GSTO2: variants seen among roughly 807,000 people sequenced by gnomAD.
GSTO2 encodes the protein glutathione S-transferase omega 2, also known as glutathione S-transferase omega-2.
In GSTO2, 23 loss-of-function variants were observed where a neutral mutation model predicts 28.4. The ratio of observed to expected loss-of-function variants is 0.81; its 90% CI spans 0.58 to 1.15. GSTO2 has a LOEUF of 1.15. Among genes scored for constraint, GSTO2 ranks in the 50% most tolerant of loss-of-function variants. GSTO2 has a pLI of 0.00. For missense variants in GSTO2, 298 were observed against 297.8 expected (o/e 1.00, Z 0.00); for synonymous variants, 109 against 111.0 (o/e 0.98, Z 0.11).
chr10:104,275,365 A>G (rs1263822226), intron 3 of GSTO2, 31 bp downstream of exon 3: 1 of 1,606,394 alleles, frequency 6.2e-7, no homozygotes, highest in Non-Finnish European at 8.5e-7. Context: ...GCCCCCGAGC[A>G]AACCCAGCGC....
chr10:104,271,440 GC>G (rs1478023573), intron 1 of GSTO2, among the ~76,000 whole-genome samples: 19 of 152,324 alleles, frequency 1.2e-4, no homozygotes, highest in African/African-American at 3.6e-4. Context: ...TACTGACGAT[GC>G]CCTGGACTAT....
chr10:104,290,052 A>C lies in GSTO2; in HGVS notation c.469-7526A>C, dbSNP rs1447932483. Among the ~76,000 whole-genome samples the C allele has an allele frequency of 2.6e-5, 4 of 152,210 alleles. No homozygotes were observed. In the East Asian group the frequency reaches 7.7e-4, roughly 29 times the overall value. ...TCCTCAAAACACTAAAAATTGAGCTACCATATGATCCAGCAATCCCACTGC... is the reference window on the plus strand; with the variant it reads ...TCCTCAAAACACTAAAAATTGAGCTCCCATATGATCCAGCAATCCCACTGC... On this transcript the variant is annotated intron_variant, in intron 5 of 6. Transcript: ENST00000338595.
At chr10:104,278,306 G>A (rs948316175) in intron 4 of GSTO2, among the ~76,000 whole-genome samples, 190 bp downstream of exon 4, 5 of 152,174 alleles carry the variant, frequency 3.3e-5, no homozygotes, top group South Asian at 2.1e-4. Flanking sequence ...ACTGCTAGGC[G>A]CTTCTCCATT....
Position 104,300,995 on chromosome 10 carries a change from C to G in GSTO2, c.*1711C>G, listed in dbSNP as rs1003910428. ...TGGCCAGAACTTCCAGAAGAGGCAG[C>G]GCATGACAGGGGCAGTCTGCCGCAC... On this transcript the variant is annotated 3_prime_UTR_variant, in exon 7 of 7. Transcript: ENST00000338595. 1 of 152,368 alleles carries G rather than the reference C, an allele frequency of 6.6e-6. No homozygotes were observed. Among genetic ancestry groups the G allele is most frequent in the Non-Finnish European group, 1.5e-5 (1 of 68,154 alleles). 9.4% of individuals were successfully genotyped at this position (152,368 alleles called of 1,614,324 possible). A position where few individuals can be genotyped will look rare whatever the true frequency, so the allele number is the denominator to read the frequency against.
At chr10:104,270,047 T>G (rs2135078666) in intron 1 of GSTO2, among the ~76,000 whole-genome samples, 1 of 151,592 alleles carries the variant, frequency 6.6e-6, no homozygotes, top group South Asian at 2.1e-4. Context: ...GGAGTCTCGC[T>G]GTTCTGCCCA....
intron 5 of GSTO2, chr10:104,285,995 C>T: frequency 2.8e-6 from 1 of 351,164 alleles, no homozygotes; most frequent in Non-Finnish European, 5.6e-6. Flanking sequence ...TTTTCTGTAT[C>T]CTTTTATATA....
At chr10:104,273,588 G>T (rs1273448285) in intron 1 of GSTO2, among the ~76,000 whole-genome samples, 3 of 152,186 alleles carry the variant, frequency 2.0e-5, no homozygotes, top group Non-Finnish European at 4.4e-5. Context: ...ATTAGGCTCT[G>T]TCATTTTAAT....
intron 1 of GSTO2, among the ~76,000 whole-genome samples, chr10:104,270,102 C>T (rs1024240353): frequency 1.3e-4 from 20 of 152,136 alleles, no homozygotes; most frequent in African/African-American, 4.8e-4. Flanking sequence ...CAAGCTCCGC[C>T]TCCCGGGTTC....
At position 104,300,952 on chromosome 10, in the gene GSTO2, C is replaced by T. The variant is rs1188322604; in HGVS notation, c.*1668C>T. The T allele has an allele frequency of 6.6e-6, 1 of 152,320 alleles. No individual in the cohort carries two copies. The highest frequency in any genetic ancestry group is 1.5e-5 in the Non-Finnish European group (1 of 68,128). The allele number at this position is 152,320 out of a possible 1,614,324, so 9.4% of individuals were successfully genotyped here. A position where few individuals can be genotyped will look rare whatever the true frequency, so the allele number is the denominator to read the frequency against. On this transcript the variant is annotated 3_prime_UTR_variant, in exon 7 of 7. Coordinates refer to ENST00000338595, the MANE Select transcript of GSTO2 (RefSeq NM_183239.2). ...TTACTCTGTGCCAGCTGGACAGAAA[C>T]AAGCCTGCTTGGTGAGGTGGCCAGA...
At chr10:104,274,385 G>T (rs1200035561) in intron 1 of GSTO2, among the ~76,000 whole-genome samples, 1 of 152,118 alleles carries the variant, frequency 6.6e-6, no homozygotes, top group Non-Finnish European at 1.5e-5. Context: ...CAACACCAAT[G>T]ACTTTTTCTT....
intron 5 of GSTO2, among the ~76,000 whole-genome samples, chr10:104,286,142 T>C (rs759270782): frequency 9.9e-5 from 15 of 152,238 alleles, no homozygotes; most frequent in Non-Finnish European, 1.9e-4. Context: ...CAGTGTACAA[T>C]TCACTGGCTT....
intron 5 of GSTO2, among the ~76,000 whole-genome samples, chr10:104,293,426 T>A (rs1300129182): frequency 2.0e-5 from 3 of 152,016 alleles, no homozygotes; most frequent in African/African-American, 7.2e-5. Context: ...TTTATTTTGT[T>A]CTGTTTATTT....
intron 2 of GSTO2, 50 bp from the exon 3 acceptor site, chr10:104,275,176 G>C (rs755538006): frequency 5.8e-6 from 9 of 1,560,240 alleles, no homozygotes; most frequent in Non-Finnish European, 7.8e-6. Context: ...CTTCCTCACC[G>C]GGCTGACTAG....
intron 5 of GSTO2, among the ~76,000 whole-genome samples, chr10:104,286,648 A>T (rs1450660907): frequency 6.6e-6 from 1 of 152,184 alleles, no homozygotes; most frequent in Admixed American, 6.5e-5. Context: ...GGAACTGATT[A>T]TCCCTGACTC....
chr10:104,293,594 G>GTTTTT (rs2012888960), intron 5 of GSTO2, among the ~76,000 whole-genome samples: 6 of 71,454 alleles, frequency 8.4e-5, no homozygotes, highest in East Asian at 2.9e-4. Context: ...TTGCGACAAG[G>GTTTTT]TCTTTCTCTA....
chr10:104,275,314 C>T lies in GSTO2; in HGVS notation c.123C>T (p.Val41=). 1 of 1,614,062 alleles carries T rather than the reference C, an allele frequency of 6.2e-7. No individual in the cohort carries two copies. The highest frequency in any genetic ancestry group is 1.3e-5 in the African/African-American group (1 of 75,050). ...CCTATTCTCACAGGACCCGCCTCGT[C>T]CTCAAGGCCAAAGACATCAGGTGAG... ...FCPYSHRTRL[V]LKAKDIRHEV... The change falls in exon 3 of 7, where the codon GTC becomes GTT. Residue 41 remains valine (V), a synonymous_variant. Coordinates refer to ENST00000338595, the MANE Select transcript of GSTO2 (RefSeq NM_183239.2).
At chr10:104,272,376 G>A (rs12262176) in intron 1 of GSTO2, among the ~76,000 whole-genome samples, 11,208 of 152,012 alleles carry the variant, frequency 0.074, 1,368 homozygotes, top group African/African-American at 0.26. Flanking sequence ...TGAAAAGCCT[G>A]AAATATTTAA....
At chr10:104,291,332 A>T (rs971480052) in intron 5 of GSTO2, 3 of 152,246 alleles carry the variant, frequency 2.0e-5, no homozygotes, top group Non-Finnish European at 4.4e-5. Context: ...AATGGTGTAG[A>T]GGATGGTGAA....
rs756166135 is a variant in GSTO2 at position 104,299,009 on chromosome 10, CTAAGA to C, written c.576-115_576-111del. ...TCATTCTCACTTGATAATAAGATAA[CTAAGA>C]TAACTTCCCAAATAAACTCATTCTT... is the stretch of plus-strand genomic sequence containing the variant. On this transcript the variant is annotated intron_variant, in intron 6 of 6. Transcript: ENST00000338595. 51 of 888,544 alleles carry C rather than the reference CTAAGA, an allele frequency of 5.7e-5. No homozygotes were observed. The South Asian group carries it at 9.0e-4, about 16-fold the overall frequency. 55.0% of individuals were successfully genotyped at this position (888,544 alleles called of 1,614,324 possible).
Sources: allele counts gnomAD v4.1 joint callset (sites outside exome capture counted in the v4.1 genomes callset), GRCh38; gene constraint gnomAD v4.1.1; transcripts MANE v1.5; gene names NCBI Gene and HGNC (gene_info 2026-07-23, HGNC 2026-07-21).